PFKFB3: variants seen among roughly 807,000 people sequenced by gnomAD.
The protein encoded by PFKFB3 is 6-phosphofructo-2-kinase/fructose-2,6-bisphosphatase 3.
Under a neutral mutation model 68.0 loss-of-function variants are expected in PFKFB3, and 33 were observed. That is an observed-to-expected ratio of 0.49 (90% CI 0.37 to 0.65). The LOEUF is 0.65. Ranked by LOEUF, PFKFB3 falls within the 30% of genes least tolerant of loss-of-function variation. PFKFB3 has a pLI of 0.00. For missense variants in PFKFB3, 586 were observed against 712.2 expected (o/e 0.82, Z 2.02); for synonymous variants, 315 against 288.2 (o/e 1.09, Z -0.94).
intron 14 of PFKFB3, chr10:6,231,713 G>A (rs538152521): frequency 1.1e-5 from 5 of 438,904 alleles, no homozygotes; most frequent in African/African-American, 1.1e-4. Flanking sequence ...TCTCTGAAGA[G>A]AATTGCCCCC....
intron 1 of PFKFB3, among the ~76,000 whole-genome samples, chr10:6,160,854 A>C (rs1368430976): frequency 6.6e-6 from 1 of 152,152 alleles, no homozygotes; most frequent in Non-Finnish European, 1.5e-5. Flanking sequence ...CAAAATGAGA[A>C]GTTAAAAGAG....
intron 1 of PFKFB3, among the ~76,000 whole-genome samples, chr10:6,194,232 TAA>T (rs142929090): frequency 0.67 from 102,430 of 151,848 alleles, 35,715 homozygotes; most frequent in Non-Finnish European, 0.77. Flanking sequence ...TCCTATTGGA[TAA>T]AAGCTTTGGA....
rs1845501654 is a variant in PFKFB3, at chr10:6,228,435, G to T, written c.1515+2070G>T. On this transcript the variant is annotated intron_variant, in intron 14 of 14. Coordinates refer to ENST00000379775, the MANE Select transcript of PFKFB3 (RefSeq NM_004566.4). The surrounding 1 kb of genome is among the most constrained non-coding windows in gnomAD (Gnocchi z 4.5). ...GTCATGGTGGCTGCACTACTGTTGG[G>T]TGTGTTCCGACACCGCCGCACGACC... is the stretch of plus-strand genomic sequence containing the variant. 2 of 633,138 alleles carry T rather than the reference G, an allele frequency of 3.2e-6. No homozygotes were observed. Among genetic ancestry groups the T allele is most frequent in the Non-Finnish European group, 5.7e-6 (2 of 349,472 alleles). The allele number at this position is 633,138 out of a possible 1,614,324, so 39.2% of individuals were successfully genotyped here.
intron 1 of PFKFB3, among the ~76,000 whole-genome samples, chr10:6,186,104 G>A (rs1228853935): frequency 6.6e-6 from 1 of 152,092 alleles, no homozygotes; most frequent in Non-Finnish European, 1.5e-5. Flanking sequence ...GTTTTCGGTG[G>A]TATATGATGG....
At chr10:6,286,098 CT>C in the PFKFB3 span, among the ~76,000 whole-genome samples, 1 of 151,346 alleles carries the variant, frequency 6.6e-6, no homozygotes, top group Non-Finnish European at 1.5e-5. Context: ...CTGCCTCAGC[CT>C]CCCGAGTAGC....
chr10:6,227,027 A>T (rs557938568), intron 14 of PFKFB3, among the ~76,000 whole-genome samples: 1 of 152,166 alleles, frequency 6.6e-6, no homozygotes, highest in Admixed American at 6.5e-5. Context: ...CGGAGGTTGC[A>T]GTGAGCCGAG....
At chr10:6,305,459 G>T in the PFKFB3 span, among the ~76,000 whole-genome samples, 1 of 152,216 alleles carries the variant, frequency 6.6e-6, no homozygotes, top group Non-Finnish European at 1.5e-5. Flanking sequence ...GGGATTACAG[G>T]CGTGAGCCAC....
chr10:6,289,541 T>C, the PFKFB3 span, among the ~76,000 whole-genome samples: 4 of 152,076 alleles, frequency 2.6e-5, no homozygotes, highest in Non-Finnish European at 4.4e-5. Flanking sequence ...TTCTGAGGGC[T>C]CTGTTCTGTT....
At chr10:6,272,619 C>T in the PFKFB3 span, among the ~76,000 whole-genome samples, 12 of 152,056 alleles carry the variant, frequency 7.9e-5, no homozygotes, top group East Asian at 1.4e-3. Flanking sequence ...TGTTTGAACC[C>T]GGGAGGCAGA....
intron 14 of PFKFB3, among the ~76,000 whole-genome samples, chr10:6,230,321 A>G (rs962481285): frequency 2.0e-5 from 3 of 152,092 alleles, no homozygotes; most frequent in African/African-American, 7.2e-5. Flanking sequence ...TGTGACCAGA[A>G]TTTATGATGA....
At chr10:6,223,843 C>T (rs1172356829) in intron 11 of PFKFB3, 115 bp from the exon 12 acceptor site, 6 of 859,168 alleles carry the variant, frequency 7.0e-6, no homozygotes, top group Non-Finnish European at 1.2e-5. Flanking sequence ...TCTTGAACTC[C>T]TGACCTCAGG....
At chr10:6,203,991 C>T (rs1843515640) in intron 1 of PFKFB3, among the ~76,000 whole-genome samples, 2 of 152,254 alleles carry the variant, frequency 1.3e-5, no homozygotes, top group Admixed American at 6.5e-5. Flanking sequence ...CCTGGAGCCA[C>T]GCCTGTGTCC....
chr10:6,308,036 C>T, the PFKFB3 span, among the ~76,000 whole-genome samples: 1 of 152,166 alleles, frequency 6.6e-6, no homozygotes, highest in Non-Finnish European at 1.5e-5. Context: ...GATGCTGGCA[C>T]CTTCATATGG....
intron 1 of PFKFB3, among the ~76,000 whole-genome samples, chr10:6,172,356 T>C (rs776024081): frequency 2.6e-5 from 4 of 152,230 alleles, no homozygotes; most frequent in Non-Finnish European, 4.4e-5. Flanking sequence ...GTTCCTCTGC[T>C]GCAGCCCTGA....
chr10:6,202,664 C>G (rs1217417392), upstream of PFKFB3: 1 of 156,784 alleles, frequency 6.4e-6, no homozygotes, highest in Non-Finnish European at 1.4e-5. Context: ...CCAGACGTCC[C>G]GAGGGGACAA....
chr10:6,155,973 G>A (rs117484990), intron 1 of PFKFB3, among the ~76,000 whole-genome samples: 1,545 of 152,058 alleles, frequency 0.01, 61 homozygotes, highest in East Asian at 0.069. Flanking sequence ...TGCACATAGC[G>A]AACATCCTAC....
the PFKFB3 span, among the ~76,000 whole-genome samples, chr10:6,266,182 T>A: frequency 6.6e-6 from 1 of 152,222 alleles, no homozygotes; most frequent in Admixed American, 6.5e-5. Context: ...TTGTTGGGAT[T>A]ACAGGCATGA....
the PFKFB3 span, among the ~76,000 whole-genome samples, chr10:6,318,931 C>A: frequency 2.0e-5 from 3 of 152,174 alleles, no homozygotes; most frequent in Non-Finnish European, 4.4e-5. Flanking sequence ...ACCCTGGGGT[C>A]TGGTCCGAAG....
the PFKFB3 span, among the ~76,000 whole-genome samples, chr10:6,321,215 CT>C: frequency 6.6e-6 from 1 of 152,162 alleles, no homozygotes; most frequent in Non-Finnish European, 1.5e-5. Flanking sequence ...CTCCTCCCAA[CT>C]GCTGATTCCG....
Sources: gnomAD v4.1 joint callset for allele counts (sites outside exome capture counted in the v4.1 genomes callset) on GRCh38, gnomAD v4.1.1 for gene constraint, Gnocchi (gnomAD v3.1) non-coding constraint, MANE v1.5 for transcripts, NCBI Gene and HGNC (gene_info 2026-07-23, HGNC 2026-07-21) for gene names.